The following RNF26 variants were observed in gnomAD, a reference collection of about 807,000 sequenced individuals.
RNF26 encodes the protein E3 ubiquitin-protein ligase RNF26.
Under a neutral mutation model 25.4 loss-of-function variants are expected in RNF26, and 8 were observed. The observed-to-expected ratio is 0.31, with a 90% CI of 0.18 to 0.57. RNF26 has a LOEUF of 0.57. Among genes scored for constraint, RNF26 ranks in the 20% least tolerant of loss-of-function variants. The pLI is 0.90. For synonymous variants in RNF26, 262 were observed against 246.7 expected (o/e 1.06, Z -0.58); for missense variants, 470 against 552.0 (o/e 0.85, Z 1.49).
At position 119,336,033 on chromosome 11, in the gene RNF26, G is replaced by T. The variant is rs761546321; in HGVS notation, c.911G>T (p.Gly304Val). The change falls in exon 1 of 1, where the codon GGA becomes GTA. Residue 304 changes from glycine (G) to valine (V), a missense_variant. Transcript: ENST00000311413. ...CAGCTGGCGAGTTGGCCAAACCGGGGAGGGGCACCTGGAGCTCCCCAGGGT... is the reference window on the plus strand; with the variant it reads ...CAGCTGGCGAGTTGGCCAAACCGGGTAGGGGCACCTGGAGCTCCCCAGGGT... ...SLQLASWPNR[G>V]GAPGAPQGDP... 1 of 1,613,664 alleles carries T rather than the reference G, an allele frequency of 6.2e-7. No homozygotes were observed. The highest frequency in any genetic ancestry group is 1.3e-5 in the African/African-American group (1 of 74,938).
rs865935170 is a variant in RNF26 at position 119,336,860 on chromosome 11, G to A, written c.*436G>A. 3 of 201,356 alleles carry A rather than the reference G, an allele frequency of 1.5e-5. No individual in the cohort carries two copies. The highest frequency in any genetic ancestry group is 1.1e-4 in the South Asian group (1 of 8,768). The allele number at this position is 201,356 out of a possible 1,614,324, so 12.5% of individuals were successfully genotyped here. ...CATTTGGGTGTTTTGGCAACTCAGG[G>A]GCCTTCGGATGATCTTAAACCTTTG... On this transcript the variant is annotated 3_prime_UTR_variant, in exon 1 of 1. Transcript: ENST00000311413.
In RNF26 at chr11:119,336,019, T is replaced by C; in HGVS notation, c.897T>C (p.Ser299=). The change falls in exon 1 of 1, where the codon AGT becomes AGC. Residue 299 remains serine, a synonymous_variant. Transcript: ENST00000311413. ...GGAGCCGCAGTCTGCAGCTGGCGAG[T>C]TGGCCAAACCGGGGAGGGGCACCTG... The part of the protein sequence containing the change: ...RVWSRSLQLA[S]WPNRGGAPGA... 6.2e-7 allele frequency: 1 copy of C among 1,613,398 alleles called. No homozygotes were observed. Among genetic ancestry groups the C allele is most frequent in the Non-Finnish European group, 8.5e-7 (1 of 1,179,960 alleles).
rs992580092 is a variant in RNF26 at position 119,335,934 on chromosome 11, G to A, written c.812G>A (p.Arg271Gln). ...LHARPSYHRLREDVMRLSRLA... is the reference protein window; with the variant it reads ...LHARPSYHRLQEDVMRLSRLA... ...GCCCGGCCATCCTACCACCGTCTTC[G>A]AGAGGATGTCATGCGGCTCTCTCGC... The change falls in exon 1 of 1, where the codon CGA becomes CAA. Residue 271 changes from arginine (R) to glutamine (Q), a missense_variant. Transcript: ENST00000311413. 13 of 1,610,754 alleles carry A rather than the reference G, an allele frequency of 8.1e-6. No homozygotes were observed. The highest frequency in any genetic ancestry group is 6.7e-5 in the Admixed American group (4 of 60,014).
rs575509909 is a variant in RNF26 at position 119,335,698 on chromosome 11, C to T, written c.576C>T (p.Ser192=). 7 of 1,614,082 alleles carry T rather than the reference C, an allele frequency of 4.3e-6. No individual in the cohort carries two copies. The South Asian group carries it at 7.7e-5, about 18-fold the overall frequency. Reference sequence around the variant, plus strand: ...TGGCTGCCTTCCTAGCCCACATTTCCAGCAGTGCTGTGGCCATGGCCATCC... The same window carrying T: ...TGGCTGCCTTCCTAGCCCACATTTCTAGCAGTGCTGTGGCCATGGCCATCC... ...DVVAAFLAHI[S]SSAVAMAILL... The change falls in exon 1 of 1, where the codon TCC becomes TCT. Residue 192 remains serine, a synonymous_variant. Coordinates refer to ENST00000311413, the MANE Select transcript of RNF26 (RefSeq NM_032015.5).
rs2135359809 is a variant in RNF26, at chr11:119,335,313, C to T, written c.191C>T (p.Ser64Leu). Residue 64 changes from serine (S) to leucine (L), a missense_variant, in exon 1 of 1, where the codon TCA becomes TTA. By Grantham distance (145) the Ser-to-Leu change is moderately radical (BLOSUM62 -2). Coordinates refer to ENST00000311413, the MANE Select transcript of RNF26 (RefSeq NM_032015.5). ...CACTTGGGCCGCGGAGTCTTGCTTT[C>T]ATTGCTGGCCTTGATCGAAGCCGTG... ...LLHLGRGVLLSLLALIEAVVR... is the reference protein window; with the variant it reads ...LLHLGRGVLLLLLALIEAVVR... 6.2e-7 allele frequency: 1 copy of T among 1,614,244 alleles called. No homozygotes were observed. Among genetic ancestry groups the T allele is most frequent in the Non-Finnish European group, 8.5e-7 (1 of 1,180,048 alleles).
Position 119,335,047 on chromosome 11 carries a change from TA to T in RNF26, c.-72del. The T allele has an allele frequency of 1.7e-6, 2 of 1,209,984 alleles. No individual in the cohort carries two copies. Among genetic ancestry groups the T allele is most frequent in the Non-Finnish European group, 2.4e-6 (2 of 842,228 alleles). 75.0% of individuals were successfully genotyped at this position (1,209,984 alleles called of 1,614,324 possible). ...CCTTCCAAATTAATCCCAGACCCCC[TA>T]AAATATTGACAACCTTGACAACCCC... is the stretch of plus-strand genomic sequence containing the variant. On this transcript the variant is annotated 5_prime_UTR_variant, in exon 1 of 1. Coordinates refer to ENST00000311413, the MANE Select transcript of RNF26 (RefSeq NM_032015.5).
rs1464812468 is a variant in RNF26, at chr11:119,336,173, AG to A, written c.1055del (p.Gly352AlafsTer20). ...EARTIRVTPV[R>X]GRERLNEEEP... is the part of the protein sequence containing the mutation. Reference sequence around the variant, plus strand: ...CAGGACCATCAGAGTGACACCTGTCAGGGGCCGAGAGAGGCTCAATGAGGAG... The same window carrying A: ...CAGGACCATCAGAGTGACACCTGTCAGGGCCGAGAGAGGCTCAATGAGGAG... On this transcript the variant is annotated frameshift_variant, in exon 1 of 1. Coordinates refer to ENST00000311413, the MANE Select transcript of RNF26 (RefSeq NM_032015.5). LOFTEE classifies it high-confidence loss of function. The A allele has an allele frequency of 6.2e-7, 1 of 1,614,150 alleles. No homozygotes were observed. Among genetic ancestry groups the A allele is most frequent in the East Asian group, 2.2e-5 (1 of 44,890 alleles).
rs1035445386 is a variant in RNF26, at chr11:119,335,036, C to T, written c.-87C>T. On this transcript the variant is annotated 5_prime_UTR_variant, in exon 1 of 1. Coordinates refer to ENST00000311413, the MANE Select transcript of RNF26 (RefSeq NM_032015.5). ...CTGCTCATTTTCCTTCCAAATTAAT[C>T]CCAGACCCCCTAAAATATTGACAAC... 7 of 1,061,306 alleles carry T rather than the reference C, an allele frequency of 6.6e-6. No individual in the cohort carries two copies. In the African/African-American group the frequency reaches 9.5e-5, roughly 14 times the overall value. The allele number at this position is 1,061,306 out of a possible 1,614,324, so 65.7% of individuals were successfully genotyped here.
Position 119,334,788 on chromosome 11 carries a change from T to C in RNF26, c.-335T>C. ...CCTCGTCTCCTCCCGGTCTGACCCG[T>C]TGCCCGGCCGTGGTTCGCCACACCA... On this transcript the variant is annotated 5_prime_UTR_variant, in exon 1 of 1. Coordinates refer to ENST00000311413, the MANE Select transcript of RNF26 (RefSeq NM_032015.5). The C allele has an allele frequency of 2.6e-6, 1 of 385,872 alleles. No homozygotes were observed. 23.9% of individuals were successfully genotyped at this position (385,872 alleles called of 1,614,324 possible). A position where few individuals can be genotyped will look rare whatever the true frequency, so the allele number is the denominator to read the frequency against.
In RNF26 at chr11:119,335,683, C is replaced by T; in HGVS notation, c.561C>T (p.Phe187=). The T allele has an allele frequency of 6.2e-7, 1 of 1,614,154 alleles. No individual in the cohort carries two copies. The highest frequency in any genetic ancestry group is 1.7e-5 in the Admixed American group (1 of 60,022). The stretch of plus-strand genomic sequence containing the variant: ...GGATGACGGACGTAGTGGCTGCCTT[C>T]CTAGCCCACATTTCCAGCAGTGCTG... ...LWRMTDVVAA[F]LAHISSSAVA... is the part of the protein sequence containing the mutation. Residue 187 remains phenylalanine, a synonymous_variant, in exon 1 of 1, where the codon TTC becomes TTT. Transcript: ENST00000311413.
At position 119,336,691 on chromosome 11, in the gene RNF26, C is replaced by G; in HGVS notation, c.*267C>G. The stretch of plus-strand genomic sequence containing the variant: ...GCCCTGAGACTATTTGCTGTGGGCT[C>G]TCCTCCAGCCTGCCCAGGGCCCACC... On this transcript the variant is annotated 3_prime_UTR_variant, in exon 1 of 1. Coordinates refer to ENST00000311413, the MANE Select transcript of RNF26 (RefSeq NM_032015.5). The G allele has an allele frequency of 3.8e-6, 2 of 520,206 alleles. No homozygotes were observed. Among genetic ancestry groups the G allele is most frequent in the South Asian group, 2.7e-5 (1 of 36,470 alleles). The allele number at this position is 520,206 out of a possible 1,614,324, so 32.2% of individuals were successfully genotyped here. A position where few individuals can be genotyped will look rare whatever the true frequency, so the allele number is the denominator to read the frequency against.
rs1950429034 is a variant in RNF26, at chr11:119,334,621, G to A, written c.-502G>A. On this transcript the variant is annotated 5_prime_UTR_variant, in exon 1 of 1. Transcript: ENST00000311413. ...ACTCCCCTTTTGGGTGCAAAGCGCC[G>A]CTAGCGGGAAGACGGGGGCCGGGCG... 1.2e-5 allele frequency: 2 copies of A among 166,082 alleles called. No homozygotes were observed. Among genetic ancestry groups the A allele is most frequent in the Non-Finnish European group, 1.3e-5 (1 of 74,562 alleles). The allele number at this position is 166,082 out of a possible 1,614,324, so 10.3% of individuals were successfully genotyped here.
In RNF26 at chr11:119,335,806, C is replaced by T. The variant is rs760896200; in HGVS notation, c.684C>T (p.Leu228=). 4 of 1,613,412 alleles carry T rather than the reference C, an allele frequency of 2.5e-6. No homozygotes were observed. In the East Asian group the frequency reaches 6.7e-5, roughly 27 times the overall value. Reference sequence around the variant, plus strand: ...TGGCCAGCTTTGTGCTTGTCAATCTCACTGGCTTGGTGTTGCTAGCTTGTG... The same window carrying T: ...TGGCCAGCTTTGTGCTTGTCAATCTTACTGGCTTGGTGTTGCTAGCTTGTG... ...RLLASFVLVN[L]TGLVLLACVL... is the part of the protein sequence containing the mutation. Residue 228 remains leucine (L), a synonymous_variant, in exon 1 of 1, where the codon CTC becomes CTT. Transcript: ENST00000311413.
In RNF26 at chr11:119,335,338, G is replaced by T. The variant is rs765522516; in HGVS notation, c.216G>T (p.Val72=). ...LLSLLALIEA[V]VRFTCGGLQA... ...CATTGCTGGCCTTGATCGAAGCCGT[G>T]GTCCGGTTCACATGTGGGGGCTTGC... The change falls in exon 1 of 1, where the codon GTG becomes GTT. Residue 72 remains valine, a synonymous_variant. Coordinates refer to ENST00000311413, the MANE Select transcript of RNF26 (RefSeq NM_032015.5). 3 of 1,614,178 alleles carry T rather than the reference G, an allele frequency of 1.9e-6. No individual in the cohort carries two copies. In the South Asian group the frequency reaches 3.3e-5, roughly 18 times the overall value.
Position 119,335,074 on chromosome 11 carries a change from C to G in RNF26, c.-49C>G, listed in dbSNP as rs139697397. 10 of 1,491,272 alleles carry G rather than the reference C, an allele frequency of 6.7e-6. No homozygotes were observed. The highest frequency in any genetic ancestry group is 1.8e-4 in the Middle Eastern group (1 of 5,712). The allele number at this position is 1,491,272 out of a possible 1,614,324, so 92.4% of individuals were successfully genotyped here. A position where few individuals can be genotyped will look rare whatever the true frequency, so the allele number is the denominator to read the frequency against. The stretch of plus-strand genomic sequence containing the variant: ...AAATATTGACAACCTTGACAACCCC[C>G]CAACCGAGGAGCCAGACTTTGTTTT... On this transcript the variant is annotated 5_prime_UTR_variant, in exon 1 of 1. Coordinates refer to ENST00000311413, the MANE Select transcript of RNF26 (RefSeq NM_032015.5).
rs1325800728 is a variant in RNF26, at chr11:119,335,303, G to A, written c.181G>A (p.Val61Ile). The A allele has an allele frequency of 3.1e-6, 5 of 1,614,230 alleles. No homozygotes were observed. Among genetic ancestry groups the A allele is most frequent in the Non-Finnish European group, 4.2e-6 (5 of 1,180,046 alleles). ...TAGTCTTCTGCACTTGGGCCGCGGAGTCTTGCTTTCATTGCTGGCCTTGAT... is the reference window on the plus strand; with the variant it reads ...TAGTCTTCTGCACTTGGGCCGCGGAATCTTGCTTTCATTGCTGGCCTTGAT... ...LTSLLHLGRG[V>I]LLSLLALIEA... The change falls in exon 1 of 1, where the codon GTC becomes ATC. Residue 61 changes from valine (V) to isoleucine (I), a missense_variant. Val to Ile is a conservative substitution (Grantham distance 29, BLOSUM62 3). Coordinates refer to ENST00000311413, the MANE Select transcript of RNF26 (RefSeq NM_032015.5).
Position 119,336,390 on chromosome 11 carries a change from G to T in RNF26, c.1268G>T (p.Arg423Leu). The change falls in exon 1 of 1, where the codon CGG becomes CTG. Residue 423 changes from arginine to leucine, a missense_variant. Coordinates refer to ENST00000311413, the MANE Select transcript of RNF26 (RefSeq NM_032015.5). ...VYHRNCPLCR[R>L]GILQTLNVYL ...CACCGCAATTGCCCGCTCTGCCGCC[G>T]GGGCATCCTGCAGACCCTCAATGTC... 6.2e-7 allele frequency: 1 copy of T among 1,611,038 alleles called. No homozygotes were observed.
chr11:119,335,637 C>T lies in RNF26; in HGVS notation c.515C>T (p.Ala172Val). 1 of 1,613,090 alleles carries T rather than the reference C, an allele frequency of 6.2e-7. No individual in the cohort carries two copies. Among genetic ancestry groups the T allele is most frequent in the Non-Finnish European group, 8.5e-7 (1 of 1,179,266 alleles). ...LFSLVLALWD[A>V]VTGPLWRMTD... The stretch of plus-strand genomic sequence containing the variant: ...TCCCTGGTGCTGGCCCTGTGGGATG[C>T]AGTGACCGGGCCTCTGTGGAGGATG... The change falls in exon 1 of 1, where the codon GCA becomes GTA. Residue 172 changes from alanine (A) to valine (V), a missense_variant. Physicochemically the swap from Ala to Val is moderately conservative, Grantham distance 64. Coordinates refer to ENST00000311413, the MANE Select transcript of RNF26 (RefSeq NM_032015.5).
At position 119,336,076 on chromosome 11, in the gene RNF26, C is replaced by T; in HGVS notation, c.954C>T (p.Phe318=). 1 of 1,614,072 alleles carries T rather than the reference C, an allele frequency of 6.2e-7. No homozygotes were observed. Among genetic ancestry groups the T allele is most frequent in the South Asian group, 1.1e-5 (1 of 91,080 alleles). Residue 318 remains phenylalanine, a synonymous_variant, in exon 1 of 1, where the codon TTC becomes TTT. Transcript: ENST00000311413. The part of the protein sequence containing the change: ...GAPQGDPMRV[F]SVRTRRQDTL... The stretch of plus-strand genomic sequence containing the variant: ...CCCAGGGTGACCCTATGAGGGTATT[C>T]TCAGTTAGGACCCGGAGACAGGACA...
Sources: allele counts gnomAD v4.1 joint callset, GRCh38; gene constraint gnomAD v4.1.1; transcripts MANE v1.5; gene names NCBI Gene and HGNC (gene_info 2026-07-23, HGNC 2026-07-21).